Variants in VCPIP1 observed in about 807,000 individuals in gnomAD.
VCPIP1 encodes deubiquitinating protein VCPIP1.
In VCPIP1, 8 loss-of-function variants were observed where a neutral mutation model predicts 85.0. The observed-to-expected ratio is 0.09, with a 90% CI of 0.06 to 0.17. VCPIP1 has a LOEUF of 0.17. Ranked by LOEUF, VCPIP1 falls within the 10% of genes least tolerant of loss-of-function variation. VCPIP1 has a pLI of 1.00. For synonymous variants in VCPIP1, 543 were observed against 544.5 expected, an observed-to-expected ratio of 1.00 and a Z score of 0.04; for missense variants, 1,070 against 1,486.3, an observed-to-expected ratio of 0.72 and a Z score of 4.61.
rs150595465 is a variant in VCPIP1, at chr8:66,666,581, G to A, written c.378C>T (p.His126=). 1.7e-4 allele frequency: 274 copies of A among 1,614,182 alleles called. 1 individual carries two copies. The African/African-American group carries it at 3.2e-3, about 19-fold the overall frequency. ...CTAATATGGGCGACAACAATTTGCA[G>A]TGATAGTTGGAAAGGCCCATCACCT... is the stretch of plus-strand genomic sequence containing the variant. The part of the protein sequence containing the change: ...LVKVMGLSNY[H]CKLLSPILAR... Residue 126 remains histidine, a synonymous_variant, in exon 1 of 3, where the codon CAC becomes CAT. Transcript: ENST00000310421. This position sits in a 1 kb window ranked among gnomAD's most constrained non-coding sequence, Gnocchi z 6.3.
chr8:66,636,236 C>CAAAAAAAAA (rs1180259925), intron 2 of VCPIP1, among the ~76,000 whole-genome samples: 1 of 41,516 alleles, frequency 2.4e-5, no homozygotes, highest in Non-Finnish European at 5.0e-5. Context: ...GACTCCATCT[C>CAAAAAAAAA]AAAAAAAAAA....
chr8:66,645,106 A>C, intron 2 of VCPIP1, among the ~76,000 whole-genome samples: 1 of 140,946 alleles, frequency 7.1e-6, no homozygotes, highest in African/African-American at 2.7e-5. Flanking sequence ...ATGGAGTGAG[A>C]CCCTGTATCC....
rs1810948584 is a variant in VCPIP1 at position 66,641,608 on chromosome 8, T to TC, written c.2798-6237dup. Among the ~76,000 whole-genome samples, 5 of 152,188 alleles carry TC rather than the reference T, an allele frequency of 3.3e-5. No individual in the cohort carries two copies. The South Asian group carries it at 1.0e-3, about 32-fold the overall frequency. On this transcript the variant is annotated intron_variant, in intron 2 of 2. Coordinates refer to ENST00000310421, the MANE Select transcript of VCPIP1 (RefSeq NM_025054.5). The stretch of plus-strand genomic sequence containing the variant: ...AGAAACCCTGAACCTTAGCAGTCAT[T>TC]CCCTCTACCTCATTCCCAGCCCTAG...
chr8:66,664,773 T>C lies in VCPIP1; in HGVS notation c.2186A>G (p.Lys729Arg). 2 of 1,612,794 alleles carry C rather than the reference T, an allele frequency of 1.2e-6. No homozygotes were observed. Among genetic ancestry groups the C allele is most frequent in the Non-Finnish European group, 1.7e-6 (2 of 1,179,632 alleles). ...NITEQASVMQ[K>R]RKTEKLKQEQ... ...TTGTTTTAACTTCTCTGTTTTCCGT[T>C]TCTGCATTACAGAAGCCTGTTCCGT... The change falls in exon 1 of 3, where the codon AAA (lysine) becomes AGA (arginine). Residue 729 changes from lysine (K) to arginine (R), a missense_variant. Coordinates refer to ENST00000310421, the MANE Select transcript of VCPIP1 (RefSeq NM_025054.5).
Position 66,666,941 on chromosome 8 carries a change from C to A in VCPIP1, c.18G>T (p.Pro6=). ...GTGGCGGCGGCAACGGAGGCGGCGG[C>A]GGCGGCGGCTGAGACATAGCTCCTG... The part of the protein sequence containing the change: MSQPP[P]PPPPLPPPPP... Residue 6 remains proline (P), a synonymous_variant, in exon 1 of 3, where the codon CCG becomes CCT. Coordinates refer to ENST00000310421, the MANE Select transcript of VCPIP1 (RefSeq NM_025054.5). The surrounding 1 kb of genome is among the most constrained non-coding windows in gnomAD (Gnocchi z 6.3). 1 of 1,576,636 alleles carries A rather than the reference C, an allele frequency of 6.3e-7. No homozygotes were observed. The highest frequency in any genetic ancestry group is 8.6e-7 in the Non-Finnish European group (1 of 1,167,238).
intron 1 of VCPIP1, among the ~76,000 whole-genome samples, chr8:66,661,507 G>GGGC (rs1563571739): frequency 6.6e-6 from 1 of 151,968 alleles, no homozygotes; most frequent in African/African-American, 2.4e-5. Context: ...AGGCCGAGGC[G>GGGC]GGCGGTTCAT....
chr8:66,643,884 C>CAAAAAAAAAAAAAAAAAA, intron 2 of VCPIP1, among the ~76,000 whole-genome samples: 1 of 70,512 alleles, frequency 1.4e-5, no homozygotes, highest in Non-Finnish European at 3.2e-5. Flanking sequence ...AATGGACAGC[C>CAAAAAAAAAAAAAAAAAA]AAAAAAAAAA....
rs1174478503 is a variant in VCPIP1 at position 66,666,771 on chromosome 8, G to C, written c.188C>G (p.Ser63Cys). 3.1e-6 allele frequency: 5 copies of C among 1,613,744 alleles called. No homozygotes were observed. Among genetic ancestry groups the C allele is most frequent in the Non-Finnish European group, 4.2e-6 (5 of 1,179,684 alleles). Residue 63 changes from serine (S) to cysteine (C), a missense_variant, in exon 1 of 3, where the codon TCC (serine) becomes TGC (cysteine). By Grantham distance (112) the Ser-to-Cys change is moderately radical (BLOSUM62 -1). Around this residue, in one of 8 missense-constraint regions of VCPIP1, gnomAD observed 164 missense variants for 158.6 expected, o/e 1.03. Transcript: ENST00000310421. The surrounding 1 kb of genome is among the most constrained non-coding windows in gnomAD (Gnocchi z 6.3). ...GGTACACTCGATGCTGACAGAACCG[G>C]AGGCCGGGAAAAATAGACGCGCCTG... The part of the protein sequence containing the change: ...KCQARLFFPA[S>C]GSVSIECTEC...
At chr8:66,656,206 AT>A (rs1474816181) in intron 1 of VCPIP1, among the ~76,000 whole-genome samples, 1 of 152,050 alleles carries the variant, frequency 6.6e-6, no homozygotes, top group Non-Finnish European at 1.5e-5. Flanking sequence ...GTATTTATTT[AT>A]TTTTTGAGAT....
In VCPIP1 at chr8:66,664,391, T is replaced by C. The variant is rs2130185231; in HGVS notation, c.2568A>G (p.Glu856=). ...ITIEILKSKA[E]GGQSAAAHSA... is the part of the protein sequence containing the mutation. The stretch of plus-strand genomic sequence containing the variant: ...AGTGTGCTGCAGCAGACTGACCACC[T>C]TCAGCTTTACTTTTTAGAATTTCTA... Residue 856 remains glutamate (E), a synonymous_variant, in exon 1 of 3, where the codon GAA becomes GAG. Transcript: ENST00000310421. The C allele has an allele frequency of 1.2e-6, 2 of 1,613,806 alleles. No individual in the cohort carries two copies. The highest frequency in any genetic ancestry group is 1.7e-6 in the Non-Finnish European group (2 of 1,179,642).
At chr8:66,647,873 A>G (rs1811011788) in intron 2 of VCPIP1, among the ~76,000 whole-genome samples, 1 of 152,114 alleles carries the variant, frequency 6.6e-6, no homozygotes, top group Non-Finnish European at 1.5e-5. Context: ...AAACTCCTAG[A>G]AAAAAACACA....
At chr8:66,657,946 C>T (rs1811115570) in intron 1 of VCPIP1, among the ~76,000 whole-genome samples, 1 of 151,932 alleles carries the variant, frequency 6.6e-6, no homozygotes, top group Non-Finnish European at 1.5e-5. Context: ...TAAGATACAC[C>T]TATGCATTAT....
Position 66,651,542 on chromosome 8 carries a change from C to T in VCPIP1, c.2713G>A (p.Glu905Lys). The T allele has an allele frequency of 6.2e-7, 1 of 1,612,504 alleles. No homozygotes were observed. The highest frequency in any genetic ancestry group is 8.5e-7 in the Non-Finnish European group (1 of 1,179,490). ...SLCLLATLMG[E>K]DVWSYAKGLP... Reference sequence around the variant, plus strand: ...CCCTTTGCATAAGACCATACATCTTCTCCTGTAAGACAAAAACAGATATAG... The same window carrying T: ...CCCTTTGCATAAGACCATACATCTTTTCCTGTAAGACAAAAACAGATATAG... Residue 905 changes from glutamate (E) to lysine (K), a missense_variant and splice_region_variant, in exon 2 of 3, where the codon GAA (glutamate) becomes AAA (lysine). Transcript: ENST00000310421.
intron 1 of VCPIP1, among the ~76,000 whole-genome samples, chr8:66,661,007 C>A (rs1216299764): frequency 1.3e-5 from 2 of 152,040 alleles, no homozygotes; most frequent in African/African-American, 4.8e-5. Flanking sequence ...CGCACCACTG[C>A]ACTCCAGCCT....
In VCPIP1 at chr8:66,631,505, G is replaced by A. The variant is rs1359072773; in HGVS notation, c.*2996C>T. 2 of 154,476 alleles carry A rather than the reference G, an allele frequency of 1.3e-5. No individual in the cohort carries two copies. Among genetic ancestry groups the A allele is most frequent in the Non-Finnish European group, 2.9e-5 (2 of 67,976 alleles). The allele number at this position is 154,476 out of a possible 1,614,324, so 9.6% of individuals were successfully genotyped here. A position where few individuals can be genotyped will look rare whatever the true frequency, so the allele number is the denominator to read the frequency against. ...TTGCTAGCAAGTGATCTTCCCTGAGGTAAGAGACCATATGCAAAAGTCAGT... is the reference window on the plus strand; with the variant it reads ...TTGCTAGCAAGTGATCTTCCCTGAGATAAGAGACCATATGCAAAAGTCAGT... On this transcript the variant is annotated 3_prime_UTR_variant, in exon 3 of 3. Transcript: ENST00000310421.
Position 66,634,777 on chromosome 8 carries a change from C to G in VCPIP1, c.3393G>C (p.Gln1131His). Reference protein sequence around the residue: ...DRHLRDQSTEQSPSDLPQRKT... With the variant: ...DRHLRDQSTEHSPSDLPQRKT... Reference sequence around the variant, plus strand: ...TCCTTTGAGGAAGATCAGATGGTGACTGCTCTGTACTTTGATCCCGAAGGT... The same window carrying G: ...TCCTTTGAGGAAGATCAGATGGTGAGTGCTCTGTACTTTGATCCCGAAGGT... The change falls in exon 3 of 3, where the codon CAG (glutamine) becomes CAC (histidine). Residue 1131 changes from glutamine to histidine, a missense_variant. Physicochemically the swap from Gln to His is conservative, Grantham distance 24. Around this residue, in one of 8 missense-constraint regions of VCPIP1, gnomAD observed 255 missense variants for 289.5 expected, o/e 0.88. Coordinates refer to ENST00000310421, the MANE Select transcript of VCPIP1 (RefSeq NM_025054.5). 6.2e-7 allele frequency: 1 copy of G among 1,614,218 alleles called. No homozygotes were observed.
At chr8:66,637,177 TG>T (rs1404418858) in intron 2 of VCPIP1, among the ~76,000 whole-genome samples, 5 of 151,712 alleles carry the variant, frequency 3.3e-5, no homozygotes, top group Non-Finnish European at 7.4e-5. Flanking sequence ...GGTAAGACCC[TG>T]GTCTCTACAA....
intron 2 of VCPIP1, among the ~76,000 whole-genome samples, chr8:66,638,745 C>G (rs1810914665): frequency 6.6e-6 from 1 of 151,816 alleles, no homozygotes; most frequent in African/African-American, 2.4e-5. Flanking sequence ...CGCCACTGCA[C>G]TCCAGCCTGG....
chr8:66,635,168 T>G lies in VCPIP1; in HGVS notation c.3002A>C (p.His1001Pro), dbSNP rs770866862. The G allele has an allele frequency of 1.2e-6, 2 of 1,614,066 alleles. No homozygotes were observed. Among genetic ancestry groups the G allele is most frequent in the Non-Finnish European group, 1.7e-6 (2 of 1,180,044 alleles). ...TTRSRESSPS[H>P]GLLKLGSGGV... ...ACCACTACCTAGTTTTAATAGCCCA[T>G]GTGAGGGACTTGATTCCCTACTTCT... The change falls in exon 3 of 3, where the codon CAT becomes CCT. Residue 1001 changes from histidine (H) to proline (P), a missense_variant. Physicochemically the swap from His to Pro is moderately conservative, Grantham distance 77. Transcript: ENST00000310421.
Sources: allele counts gnomAD v4.1 joint callset (sites outside exome capture counted in the v4.1 genomes callset), GRCh38; gene constraint gnomAD v4.1.1; regional missense constraint gnomAD v4.1.1; non-coding constraint Gnocchi (gnomAD v3.1); transcripts MANE v1.5; gene names NCBI Gene and HGNC (gene_info 2026-07-23, HGNC 2026-07-21).